CSMD1: variants seen among roughly 807,000 people sequenced by gnomAD.
The protein encoded by CSMD1 is CUB and sushi domain-containing protein 1.
Under a neutral mutation model 417.5 loss-of-function variants are expected in CSMD1, and 213 were observed. That is an observed-to-expected ratio of 0.51 (90% CI 0.46 to 0.57). The LOEUF is 0.57. CSMD1 is among the 20% of genes least tolerant of loss of function. The pLI, the probability that CSMD1 is intolerant of heterozygous loss-of-function variation, is 0.00. For synonymous variants in CSMD1, 2,862 were observed against 1,736.8 expected, an observed-to-expected ratio of 1.65 and a Z score of -16.11; for missense variants, 6,923 against 4,529.7, an observed-to-expected ratio of 1.53 and a Z score of -15.17.
intron 5 of CSMD1, among the ~76,000 whole-genome samples, chr8:3,781,564 T>G (rs1799183702): frequency 6.6e-6 from 1 of 152,188 alleles, no homozygotes; most frequent in South Asian, 2.1e-4. Flanking sequence ...TACTCGCTTT[T>G]GAAAAGAACT....
intron 3 of CSMD1, among the ~76,000 whole-genome samples, chr8:4,234,752 G>A (rs186393129): frequency 6.6e-6 from 1 of 152,132 alleles, no homozygotes; most frequent in Non-Finnish European, 1.5e-5. Context: ...AGTCGTGGCT[G>A]CTCCCAGAAC....
chr8:3,853,749 T>C (rs1804082147), intron 5 of CSMD1, among the ~76,000 whole-genome samples: 1 of 151,468 alleles, frequency 6.6e-6, no homozygotes, highest in African/African-American at 2.4e-5. Context: ...AGGACAGCAT[T>C]AGGAGATATA....
rs557619621 is a variant in CSMD1 at position 3,518,382 on chromosome 8, A to T, written c.1345-24656T>A. 2.0e-5 allele frequency among the ~76,000 whole-genome samples: 3 copies of T among 152,322 alleles called. No homozygotes were observed. The South Asian group carries it at 6.2e-4, about 32-fold the overall frequency. The stretch of plus-strand genomic sequence containing the variant: ...TATAAGAAACAACCATTTAATTGTA[A>T]ATATTCCAGATGCCATTGTATTTAG... On this transcript the variant is annotated intron_variant, in intron 10 of 69. Transcript: ENST00000635120.
chr8:3,673,539 C>G lies in CSMD1; in HGVS notation c.1009+34875G>C, dbSNP rs571792030. Reference sequence around the variant, plus strand: ...TTACAGGAGAAAGTGTTTGCATCTTCAATATTTCACAAAGAGCCTACCCTC... The same window carrying G: ...TTACAGGAGAAAGTGTTTGCATCTTGAATATTTCACAAAGAGCCTACCCTC... On this transcript the variant is annotated intron_variant, in intron 7 of 69. Coordinates refer to ENST00000635120, the MANE Select transcript of CSMD1 (RefSeq NM_033225.6). 1.1e-4 allele frequency among the ~76,000 whole-genome samples: 16 copies of G among 152,268 alleles called. No individual in the cohort carries two copies. In the South Asian group the frequency reaches 1.5e-3, roughly 14 times the overall value.
At chr8:4,003,395 TAAAC>T (rs757845682) in intron 4 of CSMD1, among the ~76,000 whole-genome samples, 2 of 143,434 alleles carry the variant, frequency 1.4e-5, no homozygotes, top group Admixed American at 1.5e-4. Flanking sequence ...ACTGTCTCAA[TAAAC>T]AAACAAACAA....
intron 5 of CSMD1, among the ~76,000 whole-genome samples, chr8:3,952,357 G>C (rs868077478): frequency 6.6e-6 from 1 of 152,102 alleles, no homozygotes; most frequent in Non-Finnish European, 1.5e-5. Flanking sequence ...ATCTTCTGTT[G>C]AACCAAACAT....
At chr8:4,565,494 T>C (rs1324556502) in intron 2 of CSMD1, among the ~76,000 whole-genome samples, 2 of 151,924 alleles carry the variant, frequency 1.3e-5, no homozygotes, top group Non-Finnish European at 2.9e-5. Flanking sequence ...TCCCAGCACT[T>C]AAGGAGGTCA....
At chr8:4,594,230 G>GTCTTGC (rs1006310456) in intron 2 of CSMD1, among the ~76,000 whole-genome samples, 14 of 115,276 alleles carry the variant, frequency 1.2e-4, no homozygotes, top group Non-Finnish European at 2.3e-4. Flanking sequence ...CTGAGACGGG[G>GTCTTGC]TCTTGCTCTG....
At chr8:3,981,955 A>C (rs936801626) in intron 5 of CSMD1, among the ~76,000 whole-genome samples, 4 of 151,982 alleles carry the variant, frequency 2.6e-5, no homozygotes, top group Non-Finnish European at 5.9e-5. Flanking sequence ...GTGGATCACA[A>C]GTTCAGGAGA....
At chr8:3,326,127 C>A (rs1239592461) in intron 23 of CSMD1, among the ~76,000 whole-genome samples, 1 of 152,164 alleles carries the variant, frequency 6.6e-6, no homozygotes, top group Admixed American at 6.5e-5. Context: ...AGAATCCAAG[C>A]ACAGAATGGT....
intron 1 of CSMD1, among the ~76,000 whole-genome samples, chr8:4,839,570 T>A (rs1800713817): frequency 6.6e-6 from 1 of 152,152 alleles, no homozygotes; most frequent in African/African-American, 2.4e-5. Context: ...TGAACAACGA[T>A]CGGCCCAAGA....
chr8:3,102,078 G>A (rs1370315920), intron 46 of CSMD1, among the ~76,000 whole-genome samples: 2 of 152,066 alleles, frequency 1.3e-5, no homozygotes, highest in Non-Finnish European at 2.9e-5. Context: ...CTGGGATGGT[G>A]ATAAGTTTCA....
At chr8:3,729,534 G>T (rs527255864) in intron 6 of CSMD1, among the ~76,000 whole-genome samples, 1 of 152,164 alleles carries the variant, frequency 6.6e-6, no homozygotes, top group South Asian at 2.1e-4. Flanking sequence ...AAGAGGAATC[G>T]AAGTGGGCCT....
intron 1 of CSMD1, among the ~76,000 whole-genome samples, chr8:4,905,948 C>A (rs1805241052): frequency 1.3e-5 from 2 of 152,140 alleles, no homozygotes; most frequent in Non-Finnish European, 2.9e-5. Flanking sequence ...TTTCCCAAAC[C>A]CCCATTCATT....
intron 2 of CSMD1, among the ~76,000 whole-genome samples, chr8:4,630,058 T>C (rs1415101300): frequency 1.3e-5 from 2 of 152,158 alleles, no homozygotes; most frequent in Non-Finnish European, 2.9e-5. Context: ...AGCCAAGATA[T>C]GGAAGTGAAC....
chr8:4,099,660 G>C (rs17068975), intron 3 of CSMD1, among the ~76,000 whole-genome samples: 31,905 of 151,094 alleles, frequency 0.21, 4,089 homozygotes, highest in African/African-American at 0.35. Flanking sequence ...AACCAATGCA[G>C]TCTGCTTATT....
chr8:4,640,472 T>C (rs1803122339), intron 1 of CSMD1, among the ~76,000 whole-genome samples: 1 of 152,170 alleles, frequency 6.6e-6, no homozygotes, highest in South Asian at 2.1e-4. Flanking sequence ...TCCACAAAGA[T>C]ATAGAATCTA....
At chr8:4,095,642 A>T (rs1481461929) in intron 3 of CSMD1, among the ~76,000 whole-genome samples, 1 of 152,194 alleles carries the variant, frequency 6.6e-6, no homozygotes, top group African/African-American at 2.4e-5. Flanking sequence ...TAGAAGAGAA[A>T]ACATCCACAT....
At chr8:3,141,616 T>G (rs1325166888) in intron 41 of CSMD1, among the ~76,000 whole-genome samples, 2 of 152,108 alleles carry the variant, frequency 1.3e-5, no homozygotes, top group African/African-American at 4.8e-5. Context: ...TGAGATATGT[T>G]GCAGACCCTG....
Sources: allele counts gnomAD v4.1 joint callset (sites outside exome capture counted in the v4.1 genomes callset), GRCh38; gene constraint gnomAD v4.1.1; transcripts MANE v1.5; gene names NCBI Gene and HGNC (gene_info 2026-07-23, HGNC 2026-07-21).